Variants in HYCC1 observed in about 807,000 individuals in gnomAD.
HYCC1 encodes the protein hyccin.
At chr7:22,985,609 A>G in the HYCC1 span, 1 of 152,080 alleles carries the variant, frequency 6.6e-6, no homozygotes, top group African/African-American at 2.4e-5. Flanking sequence ...ACGGGGGAAA[A>G]AAAGGTTTTA....
chr7:22,902,094 G>A, the HYCC1 span, among the ~76,000 whole-genome samples: 1 of 152,072 alleles, frequency 6.6e-6, no homozygotes, highest in African/African-American at 2.4e-5. Context: ...AACCACAATA[G>A]AATTAAATTA....
the HYCC1 span, among the ~76,000 whole-genome samples, chr7:22,968,187 G>C: frequency 6.6e-6 from 1 of 152,182 alleles, no homozygotes; most frequent in Non-Finnish European, 1.5e-5. Flanking sequence ...CTTGCATTTA[G>C]ATGTGATCAT....
At chr7:22,995,691 A>G in the HYCC1 span, among the ~76,000 whole-genome samples, 1 of 150,010 alleles carries the variant, frequency 6.7e-6, no homozygotes, top group African/African-American at 2.4e-5. Flanking sequence ...ATAGGAGATA[A>G]AGTTTCCTTA....
chr7:22,924,011 A>C, the HYCC1 span, among the ~76,000 whole-genome samples: 1 of 149,934 alleles, frequency 6.7e-6, no homozygotes, highest in Non-Finnish European at 1.5e-5. Context: ...AAAAAAAAAA[A>C]AAACCCAAAA....
At chr7:22,978,561 T>G in the HYCC1 span, 1 of 873,258 alleles carries the variant, frequency 1.1e-6, no homozygotes, top group African/African-American at 1.7e-5. Flanking sequence ...TTTTAAGTTC[T>G]TAAAATAGCT....
the HYCC1 span, among the ~76,000 whole-genome samples, chr7:22,984,618 A>C: frequency 6.6e-6 from 1 of 152,080 alleles, no homozygotes; most frequent in Non-Finnish European, 1.5e-5. Flanking sequence ...GCTACTCGAG[A>C]AGCTAAGGTG....
chr7:23,013,611 G>A, the HYCC1 span, among the ~76,000 whole-genome samples: 1 of 152,116 alleles, frequency 6.6e-6, no homozygotes, highest in African/African-American at 2.4e-5. Flanking sequence ...GCTCCTCGCC[G>A]GGAAGGAAAG....
the HYCC1 span, among the ~76,000 whole-genome samples, chr7:22,930,151 A>G: frequency 2.3e-5 from 3 of 130,924 alleles, no homozygotes; most frequent in African/African-American, 8.7e-5. Context: ...AAGAGAACAC[A>G]TGGACACAGG....
the HYCC1 span, among the ~76,000 whole-genome samples, chr7:22,904,446 G>A: frequency 8.3e-5 from 12 of 143,864 alleles, no homozygotes; most frequent in Non-Finnish European, 1.5e-4. Flanking sequence ...AAAAAAAAAA[G>A]TAATAATAAT....
the HYCC1 span, chr7:22,945,478 G>A: frequency 9.9e-6 from 8 of 807,096 alleles, no homozygotes; most frequent in Non-Finnish European, 1.5e-5. Flanking sequence ...CAGAATTTAA[G>A]ACATCAGGGC....
At chr7:22,980,281 T>A in the HYCC1 span, among the ~76,000 whole-genome samples, 2 of 151,788 alleles carry the variant, frequency 1.3e-5, no homozygotes, top group Non-Finnish European at 2.9e-5. Context: ...AATGTTTTTT[T>A]TTTTTCATGG....
chr7:22,972,055 T>C, the HYCC1 span, among the ~76,000 whole-genome samples: 1 of 152,152 alleles, frequency 6.6e-6, no homozygotes, highest in Non-Finnish European at 1.5e-5. Flanking sequence ...CTAGAATTGT[T>C]GATACAGTCA....
the HYCC1 span, chr7:22,945,611 C>G: frequency 1.2e-6 from 2 of 1,611,216 alleles, no homozygotes; most frequent in South Asian, 1.1e-5. Context: ...CAGAGTAATG[C>G]TAATACTAGG....
chr7:23,013,202 A>C, the HYCC1 span, among the ~76,000 whole-genome samples: 4 of 152,328 alleles, frequency 2.6e-5, no homozygotes, highest in South Asian at 8.3e-4. Context: ...CAAACCCCCG[A>C]GGATTCCCGA....
At chr7:22,913,494 T>G in the HYCC1 span, among the ~76,000 whole-genome samples, 7 of 152,178 alleles carry the variant, frequency 4.6e-5, no homozygotes, top group African/African-American at 1.4e-4. Context: ...AGCCTGCGTG[T>G]ATACATCCAG....
chr7:22,952,558 G>C, the HYCC1 span, among the ~76,000 whole-genome samples: 7 of 152,124 alleles, frequency 4.6e-5, no homozygotes, highest in Admixed American at 2.6e-4. Context: ...ATATCACCAG[G>C]ATCACATATG....
the HYCC1 span, among the ~76,000 whole-genome samples, chr7:22,994,367 A>G: frequency 1.3e-5 from 2 of 152,210 alleles, no homozygotes; most frequent in Admixed American, 1.3e-4. Context: ...AAGAACAGAT[A>G]AAACGAATCC....
At chr7:22,998,497 A>T in the HYCC1 span, among the ~76,000 whole-genome samples, 1 of 152,218 alleles carries the variant, frequency 6.6e-6, no homozygotes, top group African/African-American at 2.4e-5. Flanking sequence ...TAAAAATTAT[A>T]TAACATAATT....
At chr7:22,917,527 A>C in the HYCC1 span, among the ~76,000 whole-genome samples, 2 of 152,200 alleles carry the variant, frequency 1.3e-5, no homozygotes, top group African/African-American at 2.4e-5. Flanking sequence ...GCCCCGAGTC[A>C]GGAAACTAAA....
Sources: gnomAD v4.1 joint callset for allele counts (sites outside exome capture counted in the v4.1 genomes callset) on GRCh38, gnomAD v4.1.1 for gene constraint, MANE v1.5 for transcripts, NCBI Gene and HGNC (gene_info 2026-07-23, HGNC 2026-07-21) for gene names.